The following DGKI variants were observed in gnomAD, a reference collection of about 807,000 sequenced individuals.
DGKI encodes diacylglycerol kinase iota.
A neutral mutation model predicts 147.5 loss-of-function variants in DGKI; 55 were observed. That is an observed-to-expected ratio of 0.37 (90% CI 0.30 to 0.47). The LOEUF is 0.47. Among genes scored for constraint, DGKI ranks in the 20% least tolerant of loss-of-function variants. The pLI is 1.00. For missense variants in DGKI, 1,007 were observed against 1,323.8 expected (o/e 0.76, Z 3.71); for synonymous variants, 469 against 477.1 (o/e 0.98, Z 0.22).
chr7:137,489,167 G>T (rs564026435), intron 21 of DGKI, among the ~76,000 whole-genome samples: 1 of 152,262 alleles, frequency 6.6e-6, no homozygotes, highest in Admixed American at 6.5e-5. Flanking sequence ...CTGTGAGTGA[G>T]TGTGGATTGT....
chr7:137,784,133 T>C (rs569895704), intron 1 of DGKI, among the ~76,000 whole-genome samples: 1 of 152,144 alleles, frequency 6.6e-6, no homozygotes, highest in Non-Finnish European at 1.5e-5. Context: ...ATACTGACAT[T>C]GAATGTAAAT....
At chr7:137,547,244 C>T (rs1314627128) in intron 20 of DGKI, among the ~76,000 whole-genome samples, 2 of 151,330 alleles carry the variant, frequency 1.3e-5, no homozygotes, top group Admixed American at 6.6e-5. Flanking sequence ...GATTCCTATG[C>T]TATGATAAAT....
intron 1 of DGKI, among the ~76,000 whole-genome samples, chr7:137,802,726 T>G (rs1797253063): frequency 6.6e-6 from 1 of 152,190 alleles, no homozygotes; most frequent in Non-Finnish European, 1.5e-5. Context: ...TGGCTTCCTC[T>G]CCTACCGGCC....
chr7:137,812,962 G>A (rs149284092), intron 1 of DGKI, among the ~76,000 whole-genome samples: 2 of 152,348 alleles, frequency 1.3e-5, no homozygotes, highest in East Asian at 3.9e-4. Context: ...AGCATCAGTT[G>A]CGAGAACAGC....
At chr7:137,549,132 A>C (rs953405716) in intron 20 of DGKI, among the ~76,000 whole-genome samples, 1 of 152,214 alleles carries the variant, frequency 6.6e-6, no homozygotes, top group Non-Finnish European at 1.5e-5. Context: ...TACAGCTGTG[A>C]AGGGAATAGG....
chr7:137,814,663 G>C (rs1197042834), intron 1 of DGKI, among the ~76,000 whole-genome samples: 2 of 152,088 alleles, frequency 1.3e-5, no homozygotes, highest in African/African-American at 2.4e-5. Context: ...TCAGAGACTT[G>C]AGCTGCTCCA....
At chr7:137,547,416 CCCT>C (rs1403993927) in intron 20 of DGKI, among the ~76,000 whole-genome samples, 2 of 152,084 alleles carry the variant, frequency 1.3e-5, no homozygotes, top group Non-Finnish European at 2.9e-5. Flanking sequence ...CATCATGAAG[CCCT>C]ATTAGTTAAC....
chr7:137,473,889 G>C (rs1815074880), intron 23 of DGKI, among the ~76,000 whole-genome samples: 1 of 152,112 alleles, frequency 6.6e-6, no homozygotes, highest in Non-Finnish European at 1.5e-5. Context: ...ATTACTTAAA[G>C]GCACAGGAAT....
chr7:137,469,808 T>A (rs759252582), intron 23 of DGKI, among the ~76,000 whole-genome samples, 189 bp from the exon 24 acceptor site: 36 of 152,200 alleles, frequency 2.4e-4, no homozygotes, highest in Non-Finnish European at 3.8e-4. Flanking sequence ...TGAAAATGAC[T>A]CCCTCATAAA....
intron 27 of DGKI, among the ~76,000 whole-genome samples, chr7:137,449,514 A>G (rs1813866389): frequency 6.6e-6 from 1 of 152,224 alleles, no homozygotes; most frequent in Non-Finnish European, 1.5e-5. Flanking sequence ...CTTAAATGTA[A>G]GTCCCCAAAC....
intron 32 of DGKI, among the ~76,000 whole-genome samples, chr7:137,395,153 G>T (rs1483603155): frequency 6.6e-6 from 1 of 152,182 alleles, no homozygotes; most frequent in Non-Finnish European, 1.5e-5. Flanking sequence ...AGCTGGGAAA[G>T]AATCCCTTTG....
At chr7:137,653,183 C>T (rs1250959452) in intron 5 of DGKI, among the ~76,000 whole-genome samples, 1 of 152,220 alleles carries the variant, frequency 6.6e-6, no homozygotes, top group Non-Finnish European at 1.5e-5. Context: ...TTGGTTTAGT[C>T]TGGGCTCCTC....
intron 25 of DGKI, 99 bp from the exon 26 acceptor site, chr7:137,466,134 C>G (rs1814649418): frequency 7.0e-7 from 1 of 1,422,788 alleles, no homozygotes; most frequent in African/African-American, 1.4e-5. Context: ...AAGGATCACA[C>G]TGTGTTGTCA....
At chr7:137,704,793 A>G (rs182203067) in intron 1 of DGKI, among the ~76,000 whole-genome samples, 43 of 152,340 alleles carry the variant, frequency 2.8e-4, no homozygotes, top group Non-Finnish European at 2.9e-5. Context: ...CATCACATGC[A>G]AGGCATCCTT....
chr7:137,840,839 G>C (rs925745572), intron 1 of DGKI, among the ~76,000 whole-genome samples: 7 of 152,236 alleles, frequency 4.6e-5, no homozygotes, highest in Non-Finnish European at 7.3e-5. Flanking sequence ...CACCTACCAA[G>C]CAAGAAGAAT....
intron 30 of DGKI, among the ~76,000 whole-genome samples, chr7:137,407,327 G>T (rs1811993351): frequency 6.6e-6 from 1 of 152,154 alleles, no homozygotes; most frequent in Non-Finnish European, 1.5e-5. Flanking sequence ...CAGTTAGAAA[G>T]CAGTCTGGAA....
intron 1 of DGKI, chr7:137,772,048 TAA>T (rs1468899481): frequency 6.6e-6 from 1 of 152,166 alleles, no homozygotes; most frequent in East Asian, 1.9e-4. Context: ...AGTAGCAAAA[TAA>T]AAATCATGAC....
chr7:137,407,504 A>G (rs1037693190), intron 30 of DGKI, among the ~76,000 whole-genome samples: 1 of 152,226 alleles, frequency 6.6e-6, no homozygotes, highest in Admixed American at 6.5e-5. Context: ...ATGAACCGCA[A>G]ATACAGGTGA....
At chr7:137,534,191 G>T (rs548276608) in intron 20 of DGKI, among the ~76,000 whole-genome samples, 1 of 152,110 alleles carries the variant, frequency 6.6e-6, no homozygotes, top group South Asian at 2.1e-4. Context: ...GAACATCTAG[G>T]TTTCTTTGTT....
Sources: gnomAD v4.1 joint callset for allele counts (sites outside exome capture counted in the v4.1 genomes callset) on GRCh38, gnomAD v4.1.1 for gene constraint, MANE v1.5 for transcripts, NCBI Gene and HGNC (gene_info 2026-07-23, HGNC 2026-07-21) for gene names.